TMC1: variants seen among roughly 807,000 people sequenced by gnomAD.
TMC1 encodes transmembrane channel-like protein 1.
TMC1 carries 84 observed loss-of-function variants against 105.8 expected under a neutral mutation model. The observed-to-expected ratio is 0.79, with a 90% confidence interval of 0.67 to 0.95. The LOEUF (loss-of-function observed/expected upper bound fraction) is 0.95, where lower values mean the gene tolerates loss of function less well. Ranked by LOEUF, TMC1 falls within the 40% of genes least tolerant of loss-of-function variation. The pLI is 0.00. For missense variants in TMC1, 817 were observed against 914.1 expected (o/e 0.89, Z 1.37); for synonymous variants, 315 against 311.5 (o/e 1.01, Z -0.12).
At chr9:72,740,034 G>A (rs1827361265) in intron 8 of TMC1, 85 bp from the exon 9 acceptor site, 1 of 1,034,752 alleles carries the variant, frequency 9.7e-7, no homozygotes, top group African/African-American at 1.6e-5. Context: ...CTGCAGACCT[G>A]GTAAATTCAA....
At chr9:72,566,952 T>C (rs1357770984) in intron 1 of TMC1, among the ~76,000 whole-genome samples, 1 of 152,224 alleles carries the variant, frequency 6.6e-6, no homozygotes, top group African/African-American at 2.4e-5. Flanking sequence ...TCAGACCTTG[T>C]TGCATCCCAA....
At chr9:72,688,288 A>G (rs1826408618) in intron 5 of TMC1, among the ~76,000 whole-genome samples, 1 of 152,172 alleles carries the variant, frequency 6.6e-6, no homozygotes, top group African/African-American at 2.4e-5. Flanking sequence ...TCTATTTTTA[A>G]GTAGTTAATT....
At chr9:72,680,736 T>C (rs1175711115) in intron 5 of TMC1, among the ~76,000 whole-genome samples, 1 of 152,128 alleles carries the variant, frequency 6.6e-6, no homozygotes, top group Non-Finnish European at 1.5e-5. Flanking sequence ...TTTTGTTCTT[T>C]GGAAGACACT....
chr9:72,749,512 GC>G (rs1380064824), intron 10 of TMC1, among the ~76,000 whole-genome samples: 1 of 152,136 alleles, frequency 6.6e-6, no homozygotes. Context: ...GTCACTGGGA[GC>G]CAAGTGGGTG....
chr9:72,756,461 T>G (rs1827678150), intron 12 of TMC1, among the ~76,000 whole-genome samples: 1 of 152,170 alleles, frequency 6.6e-6, no homozygotes, highest in South Asian at 2.1e-4. Flanking sequence ...TATTTCTCTT[T>G]TCTACCACTT....
At chr9:72,805,199 TTAA>T in intron 17 of TMC1, 180 bp from the exon 18 acceptor site, 2 of 492,834 alleles carry the variant, frequency 4.1e-6, no homozygotes, top group Non-Finnish European at 7.0e-6. Context: ...TAATTATTTT[TTAA>T]GTAATAAAGT....
At chr9:72,612,983 C>T (rs534079160) in intron 2 of TMC1, among the ~76,000 whole-genome samples, 2 of 152,168 alleles carry the variant, frequency 1.3e-5, no homozygotes, top group East Asian at 1.9e-4. Context: ...TTCATCATAT[C>T]GCTGTGGCTT....
intron 1 of TMC1, among the ~76,000 whole-genome samples, chr9:72,544,600 G>A (rs7045278): frequency 0.52 from 78,743 of 150,082 alleles, 21,549 homozygotes; most frequent in African/African-American, 0.69. Context: ...CTGACTCAGC[G>A]TCCTGAGTAA....
At chr9:72,539,137 C>A (rs1823634511) in intron 1 of TMC1, among the ~76,000 whole-genome samples, 1 of 151,634 alleles carries the variant, frequency 6.6e-6, no homozygotes, top group Admixed American at 6.6e-5. Context: ...GAGGCAGGCA[C>A]TTTGGAAGGC....
intron 4 of TMC1, among the ~76,000 whole-genome samples, chr9:72,633,526 T>A (rs957328477): frequency 1.3e-5 from 2 of 152,222 alleles, no homozygotes; most frequent in South Asian, 2.1e-4. Context: ...ACTGTCTGGT[T>A]CCAAATCCAA....
At chr9:72,691,381 A>G (rs1388751442) in intron 6 of TMC1, among the ~76,000 whole-genome samples, 1 of 150,940 alleles carries the variant, frequency 6.6e-6, no homozygotes, top group Non-Finnish European at 1.5e-5. Context: ...ATTTTTCTTG[A>G]TTTTGTTTGT....
At chr9:72,758,610 G>A (rs1827707643) in intron 12 of TMC1, among the ~76,000 whole-genome samples, 1 of 152,140 alleles carries the variant, frequency 6.6e-6, no homozygotes, top group Admixed American at 6.5e-5. Context: ...GCCACAGACA[G>A]CCGTGGGCTG....
chr9:72,602,909 A>G (rs1387278319), intron 2 of TMC1, among the ~76,000 whole-genome samples: 1 of 152,238 alleles, frequency 6.6e-6, no homozygotes, highest in Non-Finnish European at 1.5e-5. Flanking sequence ...AAGAGCATCT[A>G]CTATTCAGTT....
At chr9:72,773,149 C>T (rs1337644570) in intron 13 of TMC1, among the ~76,000 whole-genome samples, 1 of 152,044 alleles carries the variant, frequency 6.6e-6, no homozygotes, top group African/African-American at 2.4e-5. Flanking sequence ...TCATTTTTCT[C>T]CCTGCCTAAA....
At chr9:72,786,370 G>C (rs1045381408) in intron 13 of TMC1, among the ~76,000 whole-genome samples, 6 of 152,168 alleles carry the variant, frequency 3.9e-5, no homozygotes, top group African/African-American at 1.4e-4. Flanking sequence ...CGTGATCCCG[G>C]GAGGCGGAGC....
chr9:72,613,807 T>C (rs1478679361), intron 2 of TMC1, among the ~76,000 whole-genome samples: 1 of 151,910 alleles, frequency 6.6e-6, no homozygotes, highest in African/African-American at 2.4e-5. Flanking sequence ...TTAACGAAAG[T>C]CTCAGGAGTT....
intron 2 of TMC1, among the ~76,000 whole-genome samples, chr9:72,614,649 T>G (rs1307643960): frequency 1.3e-5 from 2 of 152,152 alleles, no homozygotes; most frequent in African/African-American, 2.4e-5. Flanking sequence ...TAGAGTTCAT[T>G]TTTGCTATTA....
intron 13 of TMC1, among the ~76,000 whole-genome samples, chr9:72,783,112 C>T (rs188590553): frequency 7.8e-4 from 119 of 152,058 alleles, no homozygotes; most frequent in African/African-American, 2.7e-3. Flanking sequence ...GCACATAGAC[C>T]GTATTAGTCA....
chr9:72,546,521 G>T (rs1823771898), intron 1 of TMC1, among the ~76,000 whole-genome samples: 1 of 152,144 alleles, frequency 6.6e-6, no homozygotes, highest in Non-Finnish European at 1.5e-5. Flanking sequence ...ATTGCTGCTG[G>T]CTGTTTTCTT....
Sources: allele counts gnomAD v4.1 joint callset (sites outside exome capture counted in the v4.1 genomes callset), GRCh38; gene constraint gnomAD v4.1.1; transcripts MANE v1.5; gene names NCBI Gene and HGNC (gene_info 2026-07-23, HGNC 2026-07-21).